The following COL9A1 variants were observed in gnomAD, a reference collection of about 807,000 sequenced individuals.
COL9A1 encodes collagen type IX alpha 1 chain.
COL9A1 carries 104 observed loss-of-function variants against 142.6 expected under a neutral mutation model. That is an observed-to-expected ratio of 0.73 (90% CI 0.62 to 0.86). The LOEUF is 0.86. Ranked by LOEUF, COL9A1 falls within the 40% of genes least tolerant of loss-of-function variation. The pLI, the probability that COL9A1 is intolerant of heterozygous loss-of-function variation, is 0.00. For missense variants in COL9A1, 1,210 were observed against 1,176.6 expected (o/e 1.03, Z -0.42); for synonymous variants, 466 against 396.0 (o/e 1.18, Z -2.10).
chr6:70,283,806 C>G lies in COL9A1; in HGVS notation c.711G>C (p.Trp237Cys), dbSNP rs1458536035. The G allele has an allele frequency of 6.2e-7, 1 of 1,607,750 alleles. No individual in the cohort carries two copies. Among genetic ancestry groups the G allele is most frequent in the African/African-American group, 1.3e-5 (1 of 74,818 alleles). ...GCAGGGGGTCACAATGGATCAGCAT[C>G]CATTGAAGTTCAAACTGGAGAAAGG... Reference protein sequence around the residue: ...PQVSVPFELQWMLIHCDPLRP... With the variant: ...PQVSVPFELQCMLIHCDPLRP... Residue 237 changes from tryptophan to cysteine, a missense_variant, in exon 6 of 38, where the codon TGG (tryptophan) becomes TGC (cysteine). Transcript: ENST00000357250.
rs112911962 is a variant in COL9A1, at chr6:70,296,825, C to T, written c.300-2262G>A. Among the ~76,000 whole-genome samples, 941 of 152,102 alleles carry T rather than the reference C, an allele frequency of 6.2e-3. 6 individuals carry two copies. The highest frequency in any genetic ancestry group is 9.6e-3 in the Non-Finnish European group (653 of 67,914). On this transcript the variant is annotated intron_variant, in intron 4 of 37. Coordinates refer to ENST00000357250, the MANE Select transcript of COL9A1 (RefSeq NM_001851.6). ...TTAATGATTTGGATTTAACCAGATG[C>T]TTAAATAATTTATTTTATTTTTGTC... is the stretch of plus-strand genomic sequence containing the variant.
intron 18 of COL9A1, among the ~76,000 whole-genome samples, chr6:70,265,768 C>G (rs746756641): frequency 2.0e-5 from 3 of 152,088 alleles, no homozygotes; most frequent in African/African-American, 4.8e-5. Context: ...AATGTCCAAA[C>G]TGTAATAGGT....
chr6:70,242,091 G>T, intron 29 of COL9A1, 56 bp from the exon 30 acceptor site: 1 of 1,458,538 alleles, frequency 6.9e-7, no homozygotes, highest in Non-Finnish European at 9.4e-7. Context: ...CTGAAAGCAC[G>T]GAAGGCAGAA....
At chr6:70,231,252 C>T (rs1769521658) in intron 36 of COL9A1, among the ~76,000 whole-genome samples, 1 of 152,110 alleles carries the variant, frequency 6.6e-6, no homozygotes, top group Non-Finnish European at 1.5e-5. Flanking sequence ...CCCGCTTTTG[C>T]ACAACAGATC....
intron 36 of COL9A1, among the ~76,000 whole-genome samples, chr6:70,228,266 T>G (rs1405933984): frequency 6.6e-6 from 1 of 152,104 alleles, no homozygotes; most frequent in Non-Finnish European, 1.5e-5. Context: ...AAATTGGGGA[T>G]TTAGCAGCCA....
rs1772434063 is a variant in COL9A1, at chr6:70,272,045, AATG to A, written c.1089+17_1089+19del. On this transcript the variant is annotated intron_variant, in intron 13 of 37. Transcript: ENST00000357250. ...CATTTTTATAGACTGCATAAAAATA[AATG>A]ATGAAGTGATACTTACAGGGGGTCC... The A allele has an allele frequency of 1.2e-6, 2 of 1,608,760 alleles. No individual in the cohort carries two copies. Among genetic ancestry groups the A allele is most frequent in the South Asian group, 2.2e-5 (2 of 90,858 alleles).
chr6:70,221,659 C>G (rs1032011185), intron 37 of COL9A1, among the ~76,000 whole-genome samples: 1 of 152,206 alleles, frequency 6.6e-6, no homozygotes. Flanking sequence ...CACCTTAGCT[C>G]ACAAGTCACC....
At chr6:70,260,404 G>T (rs576082499) in intron 20 of COL9A1, among the ~76,000 whole-genome samples, 12 of 151,906 alleles carry the variant, frequency 7.9e-5, no homozygotes, top group Non-Finnish European at 1.2e-4. Flanking sequence ...TTAGCCGGGC[G>T]TGGTGGCAGG....
Position 70,232,653 on chromosome 6 carries a change from G to A in COL9A1, c.2433C>T (p.Gly811=). The change falls in exon 36 of 38, where the codon GGC becomes GGT. Residue 811 remains glycine (G), a synonymous_variant. Transcript: ENST00000357250. ...CCGGAAGGCCACGAATTCCCATCTGGCCTGGGAAACCATTCTCTCCAGGAG... is the reference window on the plus strand; with the variant it reads ...CCGGAAGGCCACGAATTCCCATCTGACCTGGGAAACCATTCTCTCCAGGAG... ...PGPPGENGFP[G]QMGIRGLPGI... The A allele has an allele frequency of 6.2e-7, 1 of 1,614,086 alleles. No individual in the cohort carries two copies. The highest frequency in any genetic ancestry group is 1.7e-4 in the Middle Eastern group (1 of 6,060).
chr6:70,230,844 G>A (rs1011153546), intron 36 of COL9A1, among the ~76,000 whole-genome samples: 1 of 152,220 alleles, frequency 6.6e-6, no homozygotes, highest in African/African-American at 2.4e-5. Flanking sequence ...CAGTGTGCAG[G>A]CAAGGCTGAC....
chr6:70,273,679 T>A (rs1772550474), intron 12 of COL9A1, among the ~76,000 whole-genome samples: 1 of 152,156 alleles, frequency 6.6e-6, no homozygotes, highest in Admixed American at 6.6e-5. Context: ...AAGAATGTGG[T>A]GTGACACCAT....
chr6:70,281,455 G>A lies in COL9A1; in HGVS notation c.811C>T (p.Pro271Ser), dbSNP rs763082729. Reference protein sequence around the residue: ...PSQTTDERGPPGEQGPPGPPG... With the variant: ...PSQTTDERGPSGEQGPPGPPG... ...GGCCCGGGAGGACCCTGCTCACCCGGGGGACCTCTCTGGCAAAAATAGCAG... is the reference window on the plus strand; with the variant it reads ...GGCCCGGGAGGACCCTGCTCACCCGAGGGACCTCTCTGGCAAAAATAGCAG... The change falls in exon 8 of 38, where the codon CCG becomes TCG. Residue 271 changes from proline to serine, a missense_variant. Physicochemically the swap from Pro to Ser is moderately conservative, Grantham distance 74 (BLOSUM62 -1). Transcript: ENST00000357250. The A allele has an allele frequency of 1.2e-6, 2 of 1,612,412 alleles. No individual in the cohort carries two copies. The highest frequency in any genetic ancestry group is 1.3e-5 in the African/African-American group (1 of 74,948).
intron 4 of COL9A1, 84 bp downstream of exon 4, chr6:70,299,959 T>C (rs1409533170): frequency 3.8e-6 from 5 of 1,316,236 alleles, no homozygotes; most frequent in Non-Finnish European, 4.4e-6. Context: ...ACATTGATCA[T>C]AAGAAAACTC....
chr6:70,280,947 G>C, intron 9 of COL9A1, 57 bp downstream of exon 9: 3 of 1,612,434 alleles, frequency 1.9e-6, no homozygotes, highest in Non-Finnish European at 2.5e-6. Context: ...GAAACAGGGG[G>C]CTGCAAAACA....
chr6:70,275,246 A>T (rs911286378), intron 10 of COL9A1: 1 of 157,118 alleles, frequency 6.4e-6, no homozygotes, highest in Non-Finnish European at 1.4e-5. Flanking sequence ...TCAATAAAAT[A>T]TTTCCTCAAT....
intron 24 of COL9A1, 123 bp downstream of exon 24, chr6:70,254,840 G>A: frequency 1.1e-6 from 1 of 907,894 alleles, no homozygotes; most frequent in Non-Finnish European, 1.8e-6. Context: ...AAAAATTAAA[G>A]GAAGGGAAAA....
At chr6:70,301,190 A>C (rs1774046948) in intron 2 of COL9A1, among the ~76,000 whole-genome samples, 1 of 152,220 alleles carries the variant, frequency 6.6e-6, no homozygotes, top group Admixed American at 6.5e-5. Flanking sequence ...TCACCACCAC[A>C]GAAGGCTTCT....
chr6:70,277,048 A>G (rs1205826443), intron 10 of COL9A1, among the ~76,000 whole-genome samples: 1 of 152,260 alleles, frequency 6.6e-6, no homozygotes, highest in African/African-American at 2.4e-5. Context: ...GTTATAAAGC[A>G]TCTGCCACAG....
intron 36 of COL9A1, among the ~76,000 whole-genome samples, chr6:70,228,223 G>T (rs1209102184): frequency 6.6e-6 from 1 of 152,012 alleles, no homozygotes; most frequent in Non-Finnish European, 1.5e-5. Flanking sequence ...CCAACCATGT[G>T]GATTTGCAAG....
Sources: allele counts gnomAD v4.1 joint callset (sites outside exome capture counted in the v4.1 genomes callset), GRCh38; gene constraint gnomAD v4.1.1; transcripts MANE v1.5; gene names NCBI Gene and HGNC (gene_info 2026-07-23, HGNC 2026-07-21).